ATP11B: variants seen among roughly 807,000 people sequenced by gnomAD.
ATP11B encodes ATPase phospholipid transporting 11B (putative).
Under a neutral mutation model 157.8 loss-of-function variants are expected in ATP11B, and 81 were observed. The observed-to-expected ratio is 0.51, with a 90% CI of 0.43 to 0.62. ATP11B has a LOEUF of 0.62. Among genes scored for constraint, ATP11B ranks in the 20% least tolerant of loss-of-function variants. ATP11B has a pLI of 0.00. For missense variants in ATP11B, 1,165 were observed against 1,402.2 expected, an observed-to-expected ratio of 0.83 and a Z score of 2.70; for synonymous variants, 451 against 469.4, an observed-to-expected ratio of 0.96 and a Z score of 0.51.
intron 2 of ATP11B, among the ~76,000 whole-genome samples, chr3:182,827,406 A>C (rs1717796853): frequency 6.6e-6 from 1 of 152,120 alleles, no homozygotes; most frequent in Non-Finnish European, 1.5e-5. Flanking sequence ...TATTATCCTC[A>C]TTTTATAGAG....
At chr3:182,915,829 C>A (rs1725104776) in intron 29 of ATP11B, 2 of 975,930 alleles carry the variant, frequency 2.0e-6, no homozygotes, top group African/African-American at 3.5e-5. Flanking sequence ...ATCTATACTT[C>A]TTTTCACTTA....
At chr3:182,877,409 A>G (rs180871606) in intron 19 of ATP11B, among the ~76,000 whole-genome samples, 8 of 152,350 alleles carry the variant, frequency 5.3e-5, no homozygotes, top group African/African-American at 1.9e-4. Flanking sequence ...TGGGAGGCCA[A>G]GGAAGGCAGA....
At chr3:182,916,191 T>G in intron 29 of ATP11B, 1 of 985,356 alleles carries the variant, frequency 1.0e-6, no homozygotes, top group African/African-American at 1.7e-5. Context: ...ATAATTGTAT[T>G]TGTGAAATGT....
intron 7 of ATP11B, among the ~76,000 whole-genome samples, chr3:182,840,350 T>C (rs1293627157): frequency 6.6e-6 from 1 of 152,164 alleles, no homozygotes; most frequent in Non-Finnish European, 1.5e-5. Flanking sequence ...GGACTTGCAC[T>C]GTTCCTTCTC....
intron 4 of ATP11B, 138 bp downstream of exon 4, chr3:182,829,890 T>G: frequency 7.0e-7 from 1 of 1,434,190 alleles, no homozygotes; most frequent in Admixed American, 2.9e-5. Flanking sequence ...CGTAGTAAAA[T>G]TAAACTGAAT....
chr3:182,869,585 T>C (rs548449137), intron 17 of ATP11B, among the ~76,000 whole-genome samples: 1 of 152,302 alleles, frequency 6.6e-6, no homozygotes, highest in Admixed American at 6.5e-5. Flanking sequence ...TAGAAGAGTG[T>C]TTATTAAACA....
chr3:182,898,814 G>A (rs761199985), intron 28 of ATP11B, 42 bp downstream of exon 28: 10 of 1,306,678 alleles, frequency 7.7e-6, no homozygotes, highest in Admixed American at 2.8e-5. Context: ...TTTTAGTTAG[G>A]GATCTTTAAT....
At chr3:182,904,742 G>C (rs1004529925) in intron 28 of ATP11B, among the ~76,000 whole-genome samples, 1 of 151,990 alleles carries the variant, frequency 6.6e-6, no homozygotes, top group Non-Finnish European at 1.5e-5. Flanking sequence ...ACAAAAATTA[G>C]CTGGGGTGTG....
intron 12 of ATP11B, among the ~76,000 whole-genome samples, chr3:182,864,540 A>G (rs977237776): frequency 6.6e-6 from 1 of 152,154 alleles, no homozygotes; most frequent in African/African-American, 2.4e-5. Context: ...GCCAGGTACC[A>G]TTTTATTAAT....
intron 22 of ATP11B, 74 bp downstream of exon 22, chr3:182,884,972 T>C: frequency 1.2e-6 from 1 of 837,450 alleles, no homozygotes. Context: ...GTTATAACCT[T>C]ATACATTTCT....
chr3:182,868,426 T>A (rs2108545177), intron 15 of ATP11B, among the ~76,000 whole-genome samples: 1 of 151,348 alleles, frequency 6.6e-6, no homozygotes, highest in South Asian at 2.1e-4. Flanking sequence ...ATTATTCAAC[T>A]CACTGTTTTT....
At chr3:182,818,621 C>T (rs933727947) in intron 1 of ATP11B, among the ~76,000 whole-genome samples, 29 of 152,088 alleles carry the variant, frequency 1.9e-4, no homozygotes, top group Admixed American at 1.4e-3. Context: ...AAGTTTAAAA[C>T]CAAGAATAAT....
chr3:182,798,871 A>G (rs1489632504), intron 1 of ATP11B, among the ~76,000 whole-genome samples: 3 of 152,272 alleles, frequency 2.0e-5, no homozygotes, highest in Non-Finnish European at 4.4e-5. Context: ...ATATAAATAT[A>G]CATGTATTTG....
In ATP11B at chr3:182,854,064, G is replaced by A. The variant is rs552495826; in HGVS notation, c.852-3814G>A. 7.9e-5 allele frequency among the ~76,000 whole-genome samples: 12 copies of A among 152,260 alleles called. No individual in the cohort carries two copies. In the South Asian group the frequency reaches 2.5e-3, roughly 32 times the overall value. Reference sequence around the variant, plus strand: ...TTTAGTATTTTCTACAAATGATGCAGCAATTGGATATTCAAATGAGAAAAA... The same window carrying A: ...TTTAGTATTTTCTACAAATGATGCAACAATTGGATATTCAAATGAGAAAAA... On this transcript the variant is annotated intron_variant, in intron 10 of 29. Coordinates refer to ENST00000323116, the MANE Select transcript of ATP11B (RefSeq NM_014616.3).
chr3:182,841,599 A>C (rs928763828), intron 7 of ATP11B, among the ~76,000 whole-genome samples: 1 of 152,204 alleles, frequency 6.6e-6, no homozygotes, highest in Non-Finnish European at 1.5e-5. Context: ...TTAAAGCTTA[A>C]GGACTGATAA....
chr3:182,829,996 A>G (rs1282784204), intron 4 of ATP11B: 2 of 961,392 alleles, frequency 2.1e-6, no homozygotes, highest in Non-Finnish European at 2.5e-6. Flanking sequence ...AAAGCATCCA[A>G]AAACAAGTAT....
chr3:182,856,611 G>A (rs1424891943), intron 10 of ATP11B, among the ~76,000 whole-genome samples: 1 of 152,172 alleles, frequency 6.6e-6, no homozygotes, highest in East Asian at 1.9e-4. Context: ...GTGTTCTCAT[G>A]TATAAAAATG....
rs770725862 is a variant in ATP11B, at chr3:182,869,094, A to G, written c.1705A>G (p.Ile569Val). Residue 569 changes from isoleucine to valine, a missense_variant, in exon 16 of 30, where the codon ATT becomes GTT. Physicochemically the swap from Ile to Val is conservative, Grantham distance 29. Around this residue, in one of 4 missense-constraint regions of ATP11B, gnomAD observed 737 missense variants for 930.5 expected, o/e 0.79. Transcript: ENST00000323116. ...TTTGTTTAGGTACAAACTGCTTCAT[A>G]TTCTGGAATTTGATTCAGATCGTAG... ...GKLERYKLLH[I>V]LEFDSDRRRM... The G allele has an allele frequency of 6.2e-7, 1 of 1,610,068 alleles. No individual in the cohort carries two copies. Among genetic ancestry groups the G allele is most frequent in the South Asian group, 1.1e-5 (1 of 89,986 alleles).
chr3:182,895,847 G>C (rs188834070), intron 25 of ATP11B, among the ~76,000 whole-genome samples: 2 of 152,190 alleles, frequency 1.3e-5, no homozygotes, highest in East Asian at 1.9e-4. Flanking sequence ...CCTTGTTCTG[G>C]CAGGATGTCT....
Sources: gnomAD v4.1 joint callset for allele counts (sites outside exome capture counted in the v4.1 genomes callset) on GRCh38, gnomAD v4.1.1 for gene constraint, gnomAD v4.1.1 regional missense constraint, MANE v1.5 for transcripts, NCBI Gene and HGNC (gene_info 2026-07-23, HGNC 2026-07-21) for gene names.